MUC12: variants seen among roughly 807,000 people sequenced by gnomAD.
The protein encoded by MUC12 is mucin-12.
In MUC12, 172 loss-of-function variants were observed where a neutral mutation model predicts 230.8. The observed-to-expected ratio is 0.75, with a 90% CI of 0.66 to 0.85. The LOEUF (loss-of-function observed/expected upper bound fraction) is 0.85, where lower values mean the gene tolerates loss of function less well. Ranked by LOEUF, MUC12 falls within the 40% of genes least tolerant of loss-of-function variation. MUC12 has a pLI of 0.00. For synonymous variants in MUC12, 1,259 were observed against 2,401.9 expected (o/e 0.52, Z 13.91); for missense variants, 3,506 against 5,920.6 (o/e 0.59, Z 13.38).
chr7:101,008,325 T>G (rs1793788651), intron 3 of MUC12, among the ~76,000 whole-genome samples: 1 of 151,270 alleles, frequency 6.6e-6, no homozygotes, highest in Non-Finnish European at 1.5e-5. Flanking sequence ...AGGGTCTCAC[T>G]TTGTTGCCCA....
In MUC12 at chr7:101,005,398, A is replaced by C; in HGVS notation, c.14835A>C (p.Thr4945=). 6.5e-7 allele frequency: 1 copy of C among 1,537,662 alleles called. No homozygotes were observed. The highest frequency in any genetic ancestry group is 8.7e-7 in the Non-Finnish European group (1 of 1,146,994). The change falls in exon 2 of 12, where the codon ACA becomes ACC. Residue 4945 remains threonine, a synonymous_variant. Coordinates refer to ENST00000536621, the MANE Select transcript of MUC12 (RefSeq NM_001164462.2). ...TFYISPSPTY[T]TLFPASSSTS... is the part of the protein sequence containing the mutation. Reference sequence around the variant, plus strand: ...ACATCAGCCCATCCCCTACTTACACAACACTCTTTCCTGCGAGTTCCAGCA... The same window carrying C: ...ACATCAGCCCATCCCCTACTTACACCACACTCTTTCCTGCGAGTTCCAGCA...
At position 100,991,089 on chromosome 7, in the gene MUC12, C is replaced by G; in HGVS notation, c.526C>G (p.His176Asp). 1.3e-6 allele frequency: 2 copies of G among 1,537,626 alleles called. No homozygotes were observed. The highest frequency in any genetic ancestry group is 1.7e-6 in the Non-Finnish European group (2 of 1,146,856). ...CTCCCACAGCCGACCAGGCCCAACGCACACAATAGCGTTCCCTGACAGTAC... is the reference window on the plus strand; with the variant it reads ...CTCCCACAGCCGACCAGGCCCAACGGACACAATAGCGTTCCCTGACAGTAC... ...TTSHSRPGPT[H>D]TIAFPDSTTM... The change falls in exon 2 of 12, where the codon CAC becomes GAC. Residue 176 changes from histidine (H) to aspartate (D), a missense_variant. Coordinates refer to ENST00000536621, the MANE Select transcript of MUC12 (RefSeq NM_001164462.2).
intron 10 of MUC12, 176 bp from the exon 11 acceptor site, chr7:101,017,399 C>G (rs1042432804): frequency 1.8e-6 from 1 of 564,918 alleles, no homozygotes; most frequent in Non-Finnish European, 3.2e-6. Context: ...GCTCCCCAGG[C>G]AGGCTCTGCA....
intron 2 of MUC12, 32 bp from the exon 3 acceptor site, chr7:101,006,439 C>T (rs767740470): frequency 9.9e-5 from 147 of 1,479,012 alleles, no homozygotes; most frequent in Admixed American, 7.9e-5. Flanking sequence ...TGGGCTCCCA[C>T]GGTGACTGCT....
chr7:101,010,837 A>G (rs1457356685), intron 5 of MUC12, among the ~76,000 whole-genome samples: 1 of 152,032 alleles, frequency 6.6e-6, no homozygotes, highest in East Asian at 1.9e-4. Flanking sequence ...TTTTGCAGAG[A>G]TGGGGTCTTG....
Position 101,008,103 on chromosome 7 carries a change from C to T in MUC12, c.15059-531C>T, listed in dbSNP as rs554863910. On this transcript the variant is annotated intron_variant, in intron 3 of 11. Coordinates refer to ENST00000536621, the MANE Select transcript of MUC12 (RefSeq NM_001164462.2). ...ACAGGTGTGAGCCACCGCGCCCGGC[C>T]GGTAGCTCTATTTTTAGTTTTAGGA... 4.6e-5 allele frequency among the ~76,000 whole-genome samples: 7 copies of T among 150,970 alleles called. No individual in the cohort carries two copies. In the South Asian group the frequency reaches 8.4e-4, roughly 18 times the overall value.
At chr7:101,008,591 T>C in intron 3 of MUC12, 43 bp from the exon 4 acceptor site, 1 of 1,525,204 alleles carries the variant, frequency 6.6e-7, no homozygotes, top group South Asian at 1.2e-5. Flanking sequence ...GGGACATTAT[T>C]GGGAGGTCGC....
chr7:100,992,041 C>A lies in MUC12; in HGVS notation c.1478C>A (p.Ser493Tyr). Reference protein sequence around the residue: ...STTKPGLSEKSTTFYSSPRSP... With the variant: ...STTKPGLSEKYTTFYSSPRSP... ...ACAAAACCAGGCCTCAGTGAGAAAT[C>A]TACCACTTTCTACAGTAGCCCCAGA... The change falls in exon 2 of 12, where the codon TCT (serine) becomes TAT (tyrosine). Residue 493 changes from serine to tyrosine, a missense_variant. Physicochemically the swap from Ser to Tyr is moderately radical, Grantham distance 144. Coordinates refer to ENST00000536621, the MANE Select transcript of MUC12 (RefSeq NM_001164462.2). 4 of 1,537,998 alleles carry A rather than the reference C, an allele frequency of 2.6e-6. No homozygotes were observed. Among genetic ancestry groups the A allele is most frequent in the Admixed American group, 2.0e-5 (1 of 51,010 alleles).
At chr7:100,978,638 A>G (rs1159123795) in intron 1 of MUC12, among the ~76,000 whole-genome samples, 1 of 151,978 alleles carries the variant, frequency 6.6e-6, no homozygotes, top group African/African-American at 2.4e-5. Flanking sequence ...TGGGGACTTC[A>G]TTGACTGATT....
Position 100,991,184 on chromosome 7 carries a change from GT to G in MUC12, c.622del (p.Ser208ProfsTer200). The G allele has an allele frequency of 1.3e-6, 2 of 1,537,440 alleles. No individual in the cohort carries two copies. Among genetic ancestry groups the G allele is most frequent in the Non-Finnish European group, 1.7e-6 (2 of 1,146,796 alleles). On this transcript the variant is annotated frameshift_variant, in exon 2 of 12. Coordinates refer to ENST00000536621, the MANE Select transcript of MUC12 (RefSeq NM_001164462.2). LOFTEE classifies it high-confidence loss of function. The stretch of plus-strand genomic sequence containing the variant: ...TCCCCGGCTCCACAGACACAACACT[GT>G]CCCCTGGCACTACCACACCATCATC... ...SIPGSTDTTL[S>X]PGTTTPSSLG...
chr7:101,011,893 G>GCA (rs1251428898), intron 5 of MUC12, among the ~76,000 whole-genome samples: 6 of 152,056 alleles, frequency 3.9e-5, no homozygotes, highest in African/African-American at 1.4e-4. Flanking sequence ...CAGTTATTTT[G>GCA]TATATATACC....
In MUC12 at chr7:100,995,404, C is replaced by T; in HGVS notation, c.4841C>T (p.Thr1614Ile). Residue 1614 changes from threonine (T) to isoleucine (I), a missense_variant, in exon 2 of 12, where the codon ACA becomes ATA. Transcript: ENST00000536621. ...STASHSSPGSTDTTLSPGSTT... is the reference protein window; with the variant it reads ...STASHSSPGSIDTTLSPGSTT... ...GCTTCCCACAGCAGCCCAGGCTCCA[C>T]AGACACAACATTGTCCCCTGGCAGT... The T allele has an allele frequency of 2.6e-6, 4 of 1,534,536 alleles. No homozygotes were observed. The highest frequency in any genetic ancestry group is 3.5e-6 in the Non-Finnish European group (4 of 1,145,664).
At position 101,009,155 on chromosome 7, in the gene MUC12, T is replaced by G; in HGVS notation, c.15247T>G (p.Leu5083Val). Residue 5083 changes from leucine (L) to valine (V), a missense_variant, in exon 5 of 12, where the codon TTG (leucine) becomes GTG (valine). Coordinates refer to ENST00000536621, the MANE Select transcript of MUC12 (RefSeq NM_001164462.2). ...PQYRGVNIRR[L>V]LNGSIVVKND... ...GTATAGAGGGGTGAACATTCGGAGATTGCTGTGAGTATATTGGGGGGCAGG... is the reference window on the plus strand; with the variant it reads ...GTATAGAGGGGTGAACATTCGGAGAGTGCTGTGAGTATATTGGGGGGCAGG... 1 of 1,537,758 alleles carries G rather than the reference T, an allele frequency of 6.5e-7. No individual in the cohort carries two copies. The highest frequency in any genetic ancestry group is 8.7e-7 in the Non-Finnish European group (1 of 1,146,950).
In MUC12 at chr7:100,991,216, G is replaced by C; in HGVS notation, c.653G>C (p.Gly218Ala). The change falls in exon 2 of 12, where the codon GGT becomes GCT. Residue 218 changes from glycine (G) to alanine (A), a missense_variant. Physicochemically the swap from Gly to Ala is moderately conservative, Grantham distance 60. Transcript: ENST00000536621. ...SPGTTTPSSL[G>A]PESTTFHSSP... ...GGCACTACCACACCATCATCCCTTG[G>C]TCCAGAATCTACTACCTTCCACAGC... 1.3e-6 allele frequency: 2 copies of C among 1,537,300 alleles called. No homozygotes were observed. The highest frequency in any genetic ancestry group is 1.7e-6 in the Non-Finnish European group (2 of 1,146,852).
intron 1 of MUC12, chr7:100,972,026 G>A: frequency 1.4e-6 from 1 of 701,918 alleles, no homozygotes; most frequent in Non-Finnish European, 2.6e-6. Flanking sequence ...AGTGCAGAGA[G>A]CAGAAGGGAG....
chr7:101,006,774 GA>G (rs1793759966), intron 3 of MUC12, among the ~76,000 whole-genome samples: 2 of 151,932 alleles, frequency 1.3e-5, no homozygotes, highest in Non-Finnish European at 2.9e-5. Flanking sequence ...TGGGGTGGTC[GA>G]TTTTTTTTAA....
At chr7:100,982,503 C>T (rs1336381849) in intron 1 of MUC12, among the ~76,000 whole-genome samples, 4 of 151,250 alleles carry the variant, frequency 2.6e-5, no homozygotes, top group African/African-American at 9.7e-5. Flanking sequence ...GCGGCCTAAT[C>T]ATAGCTCAGT....
chr7:101,015,737 A>G, intron 10 of MUC12, 46 bp downstream of exon 10: 1 of 1,503,620 alleles, frequency 6.7e-7, no homozygotes, highest in Non-Finnish European at 9.0e-7. Flanking sequence ...TGGAGGGTGA[A>G]GAAAGGCAGG....
chr7:101,007,148 G>A (rs1331381191), intron 3 of MUC12, among the ~76,000 whole-genome samples: 8 of 152,000 alleles, frequency 5.3e-5, no homozygotes, highest in Non-Finnish European at 8.8e-5. Flanking sequence ...TAATAGGGAC[G>A]GAGTTTCACC....
Sources: allele counts gnomAD v4.1 joint callset (sites outside exome capture counted in the v4.1 genomes callset), GRCh38; gene constraint gnomAD v4.1.1; transcripts MANE v1.5; gene names NCBI Gene and HGNC (gene_info 2026-07-23, HGNC 2026-07-21).